The following MTRF1L variants were observed in gnomAD, a reference collection of about 807,000 sequenced individuals.
MTRF1L encodes the protein mitochondrial translation release factor 1 like, also known as peptide chain release factor 1-like, mitochondrial.
MTRF1L carries 29 observed loss-of-function variants against 40.0 expected under a neutral mutation model. The observed-to-expected ratio is 0.73, with a 90% CI of 0.54 to 0.99. The LOEUF (loss-of-function observed/expected upper bound fraction) is 0.99, where lower values mean the gene tolerates loss of function less well. Ranked by LOEUF, MTRF1L falls within the 50% of genes least tolerant of loss-of-function variation. The pLI, the probability that MTRF1L is intolerant of heterozygous loss-of-function variation, is 0.00. For synonymous variants in MTRF1L, 150 were observed against 175.8 expected (o/e 0.85, Z 1.16); for missense variants, 412 against 464.5 (o/e 0.89, Z 1.04).
At chr6:152,990,397 C>G (rs1265386146) in intron 6 of MTRF1L, 1 of 299,006 alleles carries the variant, frequency 3.3e-6, no homozygotes, top group African/African-American at 2.2e-5. Context: ...GACAATAGAG[C>G]CTGGCACATA....
chr6:152,993,750 G>T, intron 4 of MTRF1L, among the ~76,000 whole-genome samples: 1 of 152,134 alleles, frequency 6.6e-6, no homozygotes, highest in East Asian at 1.9e-4. Flanking sequence ...TCTAGATGTG[G>T]CTCTTGCCAT....
rs564734684 is a variant in MTRF1L, at chr6:152,997,240, C to G, written c.339+1310G>C. Among the ~76,000 whole-genome samples, 6 of 152,226 alleles carry G rather than the reference C, an allele frequency of 3.9e-5. No homozygotes were observed. The South Asian group carries it at 1.2e-3, about 32-fold the overall frequency. On this transcript the variant is annotated intron_variant, in intron 2 of 6. Coordinates refer to ENST00000367233, the MANE Select transcript of MTRF1L (RefSeq NM_019041.7). ...ATCAATTTGTGAGGAAAAAAATTAT[C>G]TTATTCATGCCCTAATTGAAGAAGA... is the stretch of plus-strand genomic sequence containing the variant.
intron 4 of MTRF1L, 83 bp downstream of exon 4, chr6:152,994,430 A>G: frequency 7.2e-7 from 1 of 1,382,886 alleles, no homozygotes; most frequent in Non-Finnish European, 9.7e-7. Context: ...TAGATACTCA[A>G]TTCAGTAAAC....
In MTRF1L at chr6:153,002,508, T is replaced by C. The variant is rs759407635; in HGVS notation, c.178A>G (p.Arg60Gly). 9.3e-6 allele frequency: 15 copies of C among 1,612,916 alleles called. No homozygotes were observed. Among genetic ancestry groups the C allele is most frequent in the Non-Finnish European group, 1.0e-5 (12 of 1,179,670 alleles). ...QAGSEAHLKVRRPELLAVIKL... is the reference protein window; with the variant it reads ...QAGSEAHLKVGRPELLAVIKL... ...ATCACCGCCAGCAACTCGGGCCTCC[T>C]GACCTTCAAATGGGCTTCAGACCCC... The change falls in exon 1 of 7, where the codon AGG (arginine) becomes GGG (glycine). Residue 60 changes from arginine to glycine, a missense_variant. Arg to Gly is a moderately radical substitution (Grantham distance 125). Transcript: ENST00000367233.
chr6:152,990,371 A>G (rs1011059047), intron 6 of MTRF1L: 5 of 407,316 alleles, frequency 1.2e-5, no homozygotes, highest in African/African-American at 6.1e-5. Flanking sequence ...TACAGTGTCT[A>G]CTACACAGTG....
chr6:152,991,044 A>G, intron 6 of MTRF1L, 141 bp downstream of exon 6: 1 of 518,224 alleles, frequency 1.9e-6, no homozygotes, highest in Non-Finnish European at 3.3e-6. Flanking sequence ...ATTACTATCA[A>G]AGAAGGATAG....
chr6:152,995,340 C>T (rs1254064280), intron 2 of MTRF1L, 21 bp from the exon 3 acceptor site: 15 of 1,511,148 alleles, frequency 9.9e-6, no homozygotes, highest in African/African-American at 8.5e-5. Context: ...AAAAATATCA[C>T]CCCTCCTATA....
chr6:152,989,814 G>T lies in MTRF1L; in HGVS notation c.*81C>A. ...ACTGTGTTAACTCAACGTTTTTCAA[G>T]AGAGTAAGGGTACTTTCACCCTATG... On this transcript the variant is annotated 3_prime_UTR_variant, in exon 7 of 7. Transcript: ENST00000367233. 5 of 1,450,822 alleles carry T rather than the reference G, an allele frequency of 3.4e-6. No individual in the cohort carries two copies. The highest frequency in any genetic ancestry group is 2.7e-6 in the Non-Finnish European group (3 of 1,091,564). The allele number at this position is 1,450,822 out of a possible 1,614,324, so 89.9% of individuals were successfully genotyped here.
intron 2 of MTRF1L, chr6:152,998,287 G>A: frequency 4.7e-6 from 1 of 213,616 alleles, no homozygotes; most frequent in Non-Finnish European, 9.2e-6. Context: ...ACAGGACCAT[G>A]TGAAGTTTGT....
At chr6:152,995,789 T>C (rs1474242757) in intron 2 of MTRF1L, among the ~76,000 whole-genome samples, 1 of 152,216 alleles carries the variant, frequency 6.6e-6, no homozygotes, top group Non-Finnish European at 1.5e-5. Context: ...CTTGTAATTT[T>C]GAAACTAAAA....
chr6:152,992,102 C>T (rs1485676977), intron 5 of MTRF1L, among the ~76,000 whole-genome samples: 2 of 152,174 alleles, frequency 1.3e-5, no homozygotes, highest in African/African-American at 4.8e-5. Flanking sequence ...AGGATATTCT[C>T]ATAATTTAAA....
Position 152,989,831 on chromosome 6 carries a change from C to G in MTRF1L, c.*64G>C. The G allele has an allele frequency of 6.6e-7, 1 of 1,504,712 alleles. No individual in the cohort carries two copies. Among genetic ancestry groups the G allele is most frequent in the Non-Finnish European group, 8.9e-7 (1 of 1,127,674 alleles). 93.2% of individuals were successfully genotyped at this position (1,504,712 alleles called of 1,614,324 possible). A position where few individuals can be genotyped will look rare whatever the true frequency, so the allele number is the denominator to read the frequency against. On this transcript the variant is annotated 3_prime_UTR_variant, in exon 7 of 7. Transcript: ENST00000367233. The stretch of plus-strand genomic sequence containing the variant: ...TTTTTCAAGAGAGTAAGGGTACTTT[C>G]ACCCTATGTGGATGTACTGTAGAAT...
Position 153,002,701 on chromosome 6 carries a change from G to A in MTRF1L, c.-16C>T. On this transcript the variant is annotated 5_prime_UTR_variant, in exon 1 of 7. Transcript: ENST00000367233. ...GGGACCGCATCCTTAGTCCGAGATC[G>A]CGGACCCTGACCGGAACCGGAAGTT... 2.0e-6 allele frequency: 3 copies of A among 1,469,348 alleles called. No individual in the cohort carries two copies. The highest frequency in any genetic ancestry group is 2.7e-6 in the Non-Finnish European group (3 of 1,115,384). The allele number at this position is 1,469,348 out of a possible 1,614,324, so 91.0% of individuals were successfully genotyped here.
At chr6:152,994,703 T>C (rs761618342) in intron 3 of MTRF1L, 27 bp from the exon 4 acceptor site, 2 of 1,612,570 alleles carry the variant, frequency 1.2e-6, no homozygotes, top group Non-Finnish European at 1.7e-6. Context: ...AATAGAATTA[T>C]TTTTATTATT....
chr6:152,994,701 T>C (rs1470157424), intron 3 of MTRF1L, 25 bp from the exon 4 acceptor site: 2 of 1,612,620 alleles, frequency 1.2e-6, no homozygotes, highest in South Asian at 2.2e-5. Context: ...GAAATAGAAT[T>C]ATTTTTATTA....
chr6:152,991,826 G>T (rs1778534142), intron 5 of MTRF1L, among the ~76,000 whole-genome samples: 1 of 152,202 alleles, frequency 6.6e-6, no homozygotes. Flanking sequence ...TGGGATTACA[G>T]GCGTGAGCCA....
chr6:152,994,176 C>T (rs1778627430), intron 4 of MTRF1L, among the ~76,000 whole-genome samples: 1 of 152,030 alleles, frequency 6.6e-6, no homozygotes, highest in African/African-American at 2.4e-5. Flanking sequence ...AGGATTGTTG[C>T]TGTTAATACC....
At chr6:152,993,861 T>C (rs1235113409) in intron 4 of MTRF1L, among the ~76,000 whole-genome samples, 1 of 152,172 alleles carries the variant, frequency 6.6e-6, no homozygotes, top group Non-Finnish European at 1.5e-5. Context: ...AGGAACTCCA[T>C]TAAACCTATT....
intron 2 of MTRF1L, among the ~76,000 whole-genome samples, chr6:152,997,239 T>C (rs1010956969): frequency 2.6e-5 from 4 of 152,286 alleles, no homozygotes; most frequent in South Asian, 4.1e-4. Flanking sequence ...AAAAAAATTA[T>C]CTTATTCATG....
Sources: gnomAD v4.1 joint callset for allele counts (sites outside exome capture counted in the v4.1 genomes callset) on GRCh38, gnomAD v4.1.1 for gene constraint, MANE v1.5 for transcripts, NCBI Gene and HGNC (gene_info 2026-07-23, HGNC 2026-07-21) for gene names.